Variants in SDR9C7 observed in about 807,000 individuals in gnomAD.
The protein encoded by SDR9C7 is short-chain dehydrogenase/reductase family 9C member 7.
Under a neutral mutation model 23.6 loss-of-function variants are expected in SDR9C7, and 11 were observed. The ratio of observed to expected loss-of-function variants is 0.47; its 90% CI spans 0.29 to 0.77. The LOEUF is 0.77. Among genes scored for constraint, SDR9C7 ranks in the 30% least tolerant of loss-of-function variants. The probability of loss-of-function intolerance (pLI) is 0.09; values close to 1 mark genes in which losing one functional copy is unlikely to be tolerated. For synonymous variants in SDR9C7, 167 were observed against 157.3 expected, an observed-to-expected ratio of 1.06 and a Z score of -0.46; for missense variants, 387 against 407.1, an observed-to-expected ratio of 0.95 and a Z score of 0.42.
chr12:56,929,395 C>T lies in SDR9C7; in HGVS notation c.719G>A (p.Arg240His), dbSNP rs374904822. The T allele has an allele frequency of 5.3e-5, 84 of 1,597,380 alleles. No homozygotes were observed. Among genetic ancestry groups the T allele is most frequent in the African/African-American group, 1.9e-4 (14 of 74,744 alleles). ...CTCCTGCCCCAGGAACTTACAGATG[C>T]GGAAATAATCCTCTCCGTAGCTGTC... is the stretch of plus-strand genomic sequence containing the variant. ...TRDSYGEDYF[R>H]IYTDKLKNIM... The change falls in exon 3 of 4, where the codon CGC (arginine) becomes CAC (histidine). Residue 240 changes from arginine (R) to histidine (H), a missense_variant. Physicochemically the swap from Arg to His is conservative, Grantham distance 29. Coordinates refer to ENST00000293502, the MANE Select transcript of SDR9C7 (RefSeq NM_148897.3).
rs369016536 is a variant in SDR9C7, at chr12:56,930,280, C to T, written c.506G>A (p.Gly169Asp). ...SSSGGRVAVI[G>D]GGYCVSKFGV... is the part of the protein sequence containing the mutation. ...AAACTTGGAGACGCAGTAGCCACCA[C>T]CAATGACAGCCACACGACCACCAGA... The change falls in exon 2 of 4, where the codon GGT (glycine) becomes GAT (aspartate). Residue 169 changes from glycine (G) to aspartate (D), a missense_variant. By Grantham distance (94) the Gly-to-Asp change is moderately conservative. Transcript: ENST00000293502. 1.2e-6 allele frequency: 2 copies of T among 1,614,096 alleles called. No individual in the cohort carries two copies. The highest frequency in any genetic ancestry group is 2.7e-5 in the African/African-American group (2 of 74,930).
intron 3 of SDR9C7, 22 bp downstream of exon 3, chr12:56,929,368 C>G: frequency 6.3e-7 from 1 of 1,591,582 alleles, no homozygotes. Flanking sequence ...TCAGAGACCC[C>G]TCTCCTGCCC....
intron 1 of SDR9C7, among the ~76,000 whole-genome samples, chr12:56,931,213 A>G (rs752560480): frequency 1.1e-4 from 17 of 152,148 alleles, no homozygotes; most frequent in Non-Finnish European, 2.4e-4. Flanking sequence ...GTGCCATTGC[A>G]CTCCAGCCTG....
intron 3 of SDR9C7, among the ~76,000 whole-genome samples, chr12:56,925,306 C>A (rs1955726338): frequency 6.6e-6 from 1 of 152,160 alleles, no homozygotes. Context: ...ACCCACCAGG[C>A]CCTCATCTGC....
chr12:56,923,648 G>A lies in SDR9C7; in HGVS notation c.*185C>T. 1 of 529,914 alleles carries A rather than the reference G, an allele frequency of 1.9e-6. No homozygotes were observed. Among genetic ancestry groups the A allele is most frequent in the South Asian group, 3.1e-5 (1 of 32,780 alleles). The allele number at this position is 529,914 out of a possible 1,614,324, so 32.8% of individuals were successfully genotyped here. On this transcript the variant is annotated 3_prime_UTR_variant, in exon 4 of 4. Transcript: ENST00000293502. ...CTCAGGTTTCTGTGGGGTCCCAGAG[G>A]GTGGGAAGAGGCATTCACCTTCTGT...
chr12:56,929,305 C>T, intron 3 of SDR9C7, 85 bp downstream of exon 3: 1 of 1,384,022 alleles, frequency 7.2e-7, no homozygotes. Flanking sequence ...CATTTTGTCT[C>T]ACCATCTGTA....
Position 56,934,077 on chromosome 12 carries a change from G to A in SDR9C7, c.185C>T (p.Ser62Phe), listed in dbSNP as rs771905869. The change falls in exon 1 of 4, where the codon TCC becomes TTC. Residue 62 changes from serine to phenylalanine, a missense_variant. Coordinates refer to ENST00000293502, the MANE Select transcript of SDR9C7 (RefSeq NM_148897.3). ...VLAACFTEEG[S>F]QKLQRDTSYR... ...GGAGGTATCCCGCTGAAGTTTCTGG[G>A]ATCCCTCCTCAGTGAAGCAAGCAGC... The A allele has an allele frequency of 1.2e-6, 2 of 1,614,202 alleles. No homozygotes were observed. The highest frequency in any genetic ancestry group is 1.7e-6 in the Non-Finnish European group (2 of 1,180,048).
At chr12:56,931,627 A>C (rs1370048614) in intron 1 of SDR9C7, among the ~76,000 whole-genome samples, 2 of 152,158 alleles carry the variant, frequency 1.3e-5, no homozygotes, top group African/African-American at 2.4e-5. Context: ...AGTTGTTTCC[A>C]GGCTGTATTT....
intron 3 of SDR9C7, 22 bp downstream of exon 3, chr12:56,929,368 C>T: frequency 6.3e-7 from 1 of 1,591,464 alleles, no homozygotes; most frequent in East Asian, 2.3e-5. Context: ...TCAGAGACCC[C>T]TCTCCTGCCC....
intron 2 of SDR9C7, 39 bp downstream of exon 2, chr12:56,930,187 A>T: frequency 6.2e-7 from 1 of 1,604,920 alleles, no homozygotes; most frequent in Admixed American, 1.7e-5. Context: ...AATCTCTGGG[A>T]TTTTCACCCA....
intron 3 of SDR9C7, 72 bp downstream of exon 3, chr12:56,929,318 C>A (rs540489020): frequency 1.4e-5 from 21 of 1,482,406 alleles, no homozygotes; most frequent in Non-Finnish European, 1.7e-5. Flanking sequence ...CATCTGTAAA[C>A]GGAAAGCCAG....
At chr12:56,929,669 T>C in intron 2 of SDR9C7, 116 bp from the exon 3 acceptor site, 1 of 1,253,254 alleles carries the variant, frequency 8.0e-7, no homozygotes. Flanking sequence ...ACCCCTGTAC[T>C]TGGCCCTGGC....
chr12:56,933,521 G>A (rs1244335029), intron 1 of SDR9C7, among the ~76,000 whole-genome samples: 2 of 152,148 alleles, frequency 1.3e-5, no homozygotes, highest in Admixed American at 1.3e-4. Flanking sequence ...ACCACACCCA[G>A]GTAATTTTTA....
At chr12:56,924,463 G>C (rs1359566797) in intron 3 of SDR9C7, among the ~76,000 whole-genome samples, 1 of 140,898 alleles carries the variant, frequency 7.1e-6, no homozygotes, top group Non-Finnish European at 1.5e-5. Context: ...TAAACAAATA[G>C]TCTTATTTAT....
At chr12:56,930,626 G>C (rs374129156) in intron 1 of SDR9C7, 142 bp from the exon 2 acceptor site, 6 of 961,926 alleles carry the variant, frequency 6.2e-6, no homozygotes, top group African/African-American at 1.7e-5. Flanking sequence ...ATAAAAGGAA[G>C]GTGTGTCTTT....
chr12:56,934,101 G>A lies in SDR9C7; in HGVS notation c.161C>T (p.Ala54Val). The A allele has an allele frequency of 1.9e-6, 3 of 1,614,208 alleles. No individual in the cohort carries two copies. The highest frequency in any genetic ancestry group is 2.5e-6 in the Non-Finnish European group (3 of 1,180,044). ...GGATCCCTCCTCAGTGAAGCAAGCAGCCAGCACCTGCATGCCCCGATCAAC... is the reference window on the plus strand; with the variant it reads ...GGATCCCTCCTCAGTGAAGCAAGCAACCAGCACCTGCATGCCCCGATCAAC... ...QLVDRGMQVL[A>V]ACFTEEGSQK... Residue 54 changes from alanine to valine, a missense_variant, in exon 1 of 4, where the codon GCT (alanine) becomes GTT (valine). Ala to Val is a moderately conservative substitution (Grantham distance 64, BLOSUM62 0). Coordinates refer to ENST00000293502, the MANE Select transcript of SDR9C7 (RefSeq NM_148897.3).
chr12:56,926,817 C>T (rs1955736941), intron 3 of SDR9C7, among the ~76,000 whole-genome samples: 1 of 152,204 alleles, frequency 6.6e-6, no homozygotes, highest in Non-Finnish European at 1.5e-5. Context: ...ATCTCTTTCC[C>T]TTTTGGTGTA....
intron 1 of SDR9C7, among the ~76,000 whole-genome samples, chr12:56,932,933 C>G (rs1029534005): frequency 2.0e-5 from 3 of 152,206 alleles, no homozygotes; most frequent in African/African-American, 7.2e-5. Flanking sequence ...CCCTGACCTG[C>G]GCATGGGCTC....
intron 3 of SDR9C7, 141 bp from the exon 4 acceptor site, chr12:56,924,191 C>G: frequency 5.0e-6 from 3 of 603,036 alleles, no homozygotes; most frequent in South Asian, 4.1e-5. Flanking sequence ...CAGGTGGTCC[C>G]TTATACAAAC....
Sources: allele counts gnomAD v4.1 joint callset (sites outside exome capture counted in the v4.1 genomes callset), GRCh38; gene constraint gnomAD v4.1.1; transcripts MANE v1.5; gene names NCBI Gene and HGNC (gene_info 2026-07-23, HGNC 2026-07-21).